Variants in CSMD1 observed in about 807,000 individuals in gnomAD.
The protein encoded by CSMD1 is CUB and Sushi multiple domains 1.
CSMD1 carries 213 observed loss-of-function variants against 417.5 expected under a neutral mutation model. That is an observed-to-expected ratio of 0.51 (90% CI 0.46 to 0.57). CSMD1 has a LOEUF of 0.57. Among genes scored for constraint, CSMD1 ranks in the 20% least tolerant of loss-of-function variants. CSMD1 has a pLI of 0.00. For synonymous variants in CSMD1, 2,862 were observed against 1,736.8 expected, an observed-to-expected ratio of 1.65 and a Z score of -16.11; for missense variants, 6,923 against 4,529.7, an observed-to-expected ratio of 1.53 and a Z score of -15.17.
chr8:4,696,040 G>T (rs1396820333), intron 1 of CSMD1, among the ~76,000 whole-genome samples: 1 of 152,164 alleles, frequency 6.6e-6, no homozygotes, highest in African/African-American at 2.4e-5. Context: ...GGAACTTACA[G>T]AATCTCTATC....
intron 5 of CSMD1, among the ~76,000 whole-genome samples, chr8:3,765,449 AT>A (rs1798213217): frequency 6.6e-6 from 1 of 152,176 alleles, no homozygotes; most frequent in African/African-American, 2.4e-5. Context: ...GTCTTACATT[AT>A]TAATGGTTGT....
At chr8:4,172,036 G>T (rs910934839) in intron 3 of CSMD1, among the ~76,000 whole-genome samples, 3 of 152,044 alleles carry the variant, frequency 2.0e-5, no homozygotes, top group Non-Finnish European at 4.4e-5. Context: ...TCAAATAAAA[G>T]GAAACACAAT....
At chr8:3,980,534 T>C (rs1421903358) in intron 5 of CSMD1, among the ~76,000 whole-genome samples, 10 of 140,990 alleles carry the variant, frequency 7.1e-5, no homozygotes, top group Non-Finnish European at 9.3e-5. Context: ...CATTTAGATT[T>C]GTCGTCTCTC....
chr8:4,767,883 G>A (rs1274083328), intron 1 of CSMD1, among the ~76,000 whole-genome samples: 1 of 152,084 alleles, frequency 6.6e-6, no homozygotes, highest in Non-Finnish European at 1.5e-5. Context: ...AGTTTACAGT[G>A]TAGGCACATC....
At chr8:3,699,157 T>C (rs990335985) in intron 7 of CSMD1, among the ~76,000 whole-genome samples, 1 of 152,218 alleles carries the variant, frequency 6.6e-6, no homozygotes, top group African/African-American at 2.4e-5. Context: ...CCTTCAGCAG[T>C]GGGATGGAGG....
intron 5 of CSMD1, among the ~76,000 whole-genome samples, chr8:3,882,842 C>T (rs1041176423): frequency 6.6e-6 from 1 of 152,142 alleles, no homozygotes; most frequent in African/African-American, 2.4e-5. Flanking sequence ...TCAATGCTGT[C>T]AGAAGCCAAG....
At chr8:3,646,929 T>A (rs899053469) in intron 7 of CSMD1, among the ~76,000 whole-genome samples, 4 of 152,108 alleles carry the variant, frequency 2.6e-5, no homozygotes, top group Non-Finnish European at 5.9e-5. Flanking sequence ...ACAAAAAAAA[T>A]TTAAAACCTC....
intron 38 of CSMD1, among the ~76,000 whole-genome samples, chr8:3,158,460 G>A (rs1239188335): frequency 6.6e-6 from 1 of 152,116 alleles, no homozygotes; most frequent in Non-Finnish European, 1.5e-5. Flanking sequence ...GCAAAGCACT[G>A]GGTCGTTTCT....
chr8:4,052,396 T>G (rs1041567418), intron 3 of CSMD1, among the ~76,000 whole-genome samples: 5 of 152,228 alleles, frequency 3.3e-5, no homozygotes, highest in Non-Finnish European at 7.3e-5. Context: ...GGCAAAGACC[T>G]ATTTCTCCAA....
Position 4,951,017 on chromosome 8 carries a change from G to C in CSMD1, c.85+43315C>G, listed in dbSNP as rs1039112750. Among the ~76,000 whole-genome samples, 3 of 151,526 alleles carry C rather than the reference G, an allele frequency of 2.0e-5. 1 individual carries two copies. Among genetic ancestry groups the C allele is most frequent in the Non-Finnish European group, 1.5e-5 (1 of 67,896 alleles). The stretch of plus-strand genomic sequence containing the variant: ...ACAAACAAAAAAAATTAATAGAGAA[G>C]GGACCTATACATAATTTAACCCCCA... On this transcript the variant is annotated intron_variant, in intron 1 of 69. Transcript: ENST00000635120.
intron 21 of CSMD1, among the ~76,000 whole-genome samples, chr8:3,356,296 A>G (rs183140066): frequency 1.3e-5 from 2 of 152,196 alleles, no homozygotes; most frequent in South Asian, 4.1e-4. Context: ...GAGGAAAGCA[A>G]TTTTCCTCTT....
At chr8:4,206,643 G>A (rs187731285) in intron 3 of CSMD1, among the ~76,000 whole-genome samples, 19 of 152,242 alleles carry the variant, frequency 1.2e-4, no homozygotes, top group Middle Eastern at 3.4e-3. Context: ...TGCAATAAAC[G>A]TATGTGTGCA....
chr8:3,764,270 G>A (rs1261940306), intron 5 of CSMD1, among the ~76,000 whole-genome samples: 1 of 152,174 alleles, frequency 6.6e-6, no homozygotes, highest in Non-Finnish European at 1.5e-5. Context: ...CACTGCCTGT[G>A]TTCCCGTCCA....
chr8:3,182,617 TGTGTG>T (rs1821420294), intron 36 of CSMD1, among the ~76,000 whole-genome samples: 2 of 61,536 alleles, frequency 3.3e-5, no homozygotes, highest in African/African-American at 7.6e-5. Flanking sequence ...TGTGTGTGTG[TGTGTG>T]TGTGTGTGTG....
At chr8:3,109,788 CCA>C (rs544178878) in intron 43 of CSMD1, among the ~76,000 whole-genome samples, 1 of 151,202 alleles carries the variant, frequency 6.6e-6, no homozygotes, top group African/African-American at 2.4e-5. Context: ...CACACAGACA[CCA>C]CACACACAAA....
chr8:3,926,914 C>T lies in CSMD1; in HGVS notation c.818+70989G>A, dbSNP rs569163290. 3.3e-5 allele frequency among the ~76,000 whole-genome samples: 5 copies of T among 151,732 alleles called. No individual in the cohort carries two copies. In the East Asian group the frequency reaches 5.8e-4, roughly 18 times the overall value. ...TATTTTTAGTAGAGAAAGGGTTTCA[C>T]CATGTTGGCCAGGATGGTCTCAAAC... On this transcript the variant is annotated intron_variant, in intron 5 of 69. Transcript: ENST00000635120.
At chr8:4,740,189 T>TA (rs772253828) in intron 1 of CSMD1, among the ~76,000 whole-genome samples, 1 of 152,128 alleles carries the variant, frequency 6.6e-6, no homozygotes, top group Non-Finnish European at 1.5e-5. Flanking sequence ...ACGAACACAT[T>TA]ATCTTATTGT....
chr8:4,537,651 A>T (rs1797165021), intron 2 of CSMD1, among the ~76,000 whole-genome samples: 1 of 152,082 alleles, frequency 6.6e-6, no homozygotes, highest in South Asian at 2.1e-4. Context: ...TTAAGCATTG[A>T]TTTGCATTAC....
rs111522257 is a variant in CSMD1, at chr8:3,553,619, T to C, written c.1344+21326A>G. On this transcript the variant is annotated intron_variant, in intron 10 of 69. Coordinates refer to ENST00000635120, the MANE Select transcript of CSMD1 (RefSeq NM_033225.6). ...CATAACTGTGATGTCCCTCCCAGCA[T>C]TGCTAATGACAGTAAAATCTTGAAA... 2.1e-3 allele frequency among the ~76,000 whole-genome samples: 321 copies of C among 152,318 alleles called. 1 individual carries two copies. The highest frequency in any genetic ancestry group is 7.2e-3 in the African/African-American group (298 of 41,568).
Sources: gnomAD v4.1 joint callset for allele counts (sites outside exome capture counted in the v4.1 genomes callset) on GRCh38, gnomAD v4.1.1 for gene constraint, MANE v1.5 for transcripts, NCBI Gene and HGNC (gene_info 2026-07-23, HGNC 2026-07-21) for gene names.